CLIC5: variants seen among roughly 807,000 people sequenced by gnomAD.
CLIC5 encodes the protein chloride intracellular channel protein 5.
In CLIC5, 20 loss-of-function variants were observed where a neutral mutation model predicts 24.7. The observed-to-expected ratio is 0.81, with a 90% CI of 0.57 to 1.18. The LOEUF is 1.18. Among genes scored for constraint, CLIC5 ranks in the 50% most tolerant of loss-of-function variants. The pLI, the probability that CLIC5 is intolerant of heterozygous loss-of-function variation, is 0.00. For missense variants in CLIC5, 341 were observed against 326.1 expected (o/e 1.05, Z -0.35); for synonymous variants, 159 against 135.6 (o/e 1.17, Z -1.20).
chr6:45,962,562 C>G (rs986550935), intron 1 of CLIC5, among the ~76,000 whole-genome samples: 3 of 151,320 alleles, frequency 2.0e-5, no homozygotes, highest in African/African-American at 7.3e-5. Flanking sequence ...ATGGCCCAGC[C>G]AAGTTGATAT....
intron 4 of CLIC5, chr6:45,919,141 C>T (rs1394395446): frequency 2.1e-6 from 2 of 973,732 alleles, no homozygotes; most frequent in Non-Finnish European, 2.4e-6. Context: ...ATGTAATCAT[C>T]TAAATAGTCC....
At chr6:46,017,575 A>G (rs2127447827), upstream of CLIC5, among the ~76,000 whole-genome samples, 1 of 152,318 alleles carries the variant, frequency 6.6e-6, no homozygotes, top group African/African-American at 2.4e-5. Context: ...ACACTATGGA[A>G]GTGCACACTT....
intron 1 of CLIC5, among the ~76,000 whole-genome samples, chr6:45,995,936 G>A (rs1330417775): frequency 6.6e-6 from 1 of 152,046 alleles, no homozygotes; most frequent in Non-Finnish European, 1.5e-5. Flanking sequence ...CACAGGAAGT[G>A]GAACAACACA....
chr6:46,023,832 T>C (rs2179994), intron 1 of CLIC5, among the ~76,000 whole-genome samples: 37,703 of 151,326 alleles, frequency 0.25, 5,707 homozygotes, highest in African/African-American at 0.43. Context: ...ACAACTATTA[T>C]ACAAATACTT....
At chr6:45,921,873 C>T (rs1468316717) in intron 4 of CLIC5, among the ~76,000 whole-genome samples, 1 of 152,152 alleles carries the variant, frequency 6.6e-6, no homozygotes, top group African/African-American at 2.4e-5. Context: ...GGCACTGAAC[C>T]AAGAACACTG....
intron 6 of CLIC5, among the ~76,000 whole-genome samples, chr6:45,892,443 A>G (rs4254986): frequency 0.52 from 79,241 of 152,050 alleles, 21,464 homozygotes; most frequent in African/African-American, 0.67. Flanking sequence ...GAAGCCCAGC[A>G]TTTGACTGGC....
chr6:45,889,528 C>T (rs1762331920), intron 6 of CLIC5, among the ~76,000 whole-genome samples: 1 of 152,016 alleles, frequency 6.6e-6, no homozygotes, highest in Non-Finnish European at 1.5e-5. Context: ...GAAGGTGGGG[C>T]AGTAAGGGTA....
chr6:45,903,240 A>T lies in CLIC5; in HGVS notation c.604T>A (p.Tyr202Asn), dbSNP rs371423137. ...LHVVKIVAKK[Y>N]RNYDIPAEMT... ...TCAGCCGGGATATCATAGTTGCGGT[A>T]TTTCTTGGCCACAATCTAAAACAGA... Residue 202 changes from tyrosine to asparagine, a missense_variant, in exon 6 of 6, where the codon TAC becomes AAC. Transcript: ENST00000339561. 5 of 1,594,228 alleles carry T rather than the reference A, an allele frequency of 3.1e-6. No individual in the cohort carries two copies. Among genetic ancestry groups the T allele is most frequent in the Non-Finnish European group, 4.3e-6 (5 of 1,171,028 alleles).
At chr6:46,030,127 G>A (rs1217052182) in intron 1 of CLIC5, among the ~76,000 whole-genome samples, 1 of 152,024 alleles carries the variant, frequency 6.6e-6, no homozygotes, top group Non-Finnish European at 1.5e-5. Flanking sequence ...AATGTCTGCC[G>A]AGAACCTCCC....
intron 4 of CLIC5, among the ~76,000 whole-genome samples, chr6:45,915,226 C>A (rs941466026): frequency 6.6e-6 from 1 of 151,986 alleles, no homozygotes; most frequent in African/African-American, 2.4e-5. Context: ...CCATGCCTGG[C>A]CAATACTAGC....
chr6:45,995,851 C>G (rs773257193), intron 1 of CLIC5, among the ~76,000 whole-genome samples: 1 of 152,046 alleles, frequency 6.6e-6, no homozygotes, highest in Non-Finnish European at 1.5e-5. Flanking sequence ...CCTCAGCAAG[C>G]TAACACAGAA....
At chr6:46,113,375 G>C in the CLIC5 span, among the ~76,000 whole-genome samples, 7 of 152,112 alleles carry the variant, frequency 4.6e-5, no homozygotes, top group Non-Finnish European at 8.8e-5. Flanking sequence ...CGGGAAGAAG[G>C]GGGGTGGCCT....
chr6:46,091,346 G>A, the CLIC5 span, among the ~76,000 whole-genome samples: 11 of 152,182 alleles, frequency 7.2e-5, no homozygotes, highest in African/African-American at 1.2e-4. Context: ...AGATCATGTG[G>A]TAGTATTTGT....
upstream of CLIC5, among the ~76,000 whole-genome samples, chr6:46,083,790 T>C (rs542716020): frequency 4.6e-5 from 7 of 151,932 alleles, no homozygotes; most frequent in East Asian, 1.2e-3. Context: ...GTCTATTAGG[T>C]CTGCTTGGTG....
rs117624535 is a variant in CLIC5 at position 46,063,066 on chromosome 6, A to G, written c.540+16637T>C. 5.4e-4 allele frequency among the ~76,000 whole-genome samples: 82 copies of G among 152,340 alleles called. No homozygotes were observed. The East Asian group carries it at 0.013, about 24-fold the overall frequency. On this transcript the variant is annotated intron_variant, in intron 1 of 5. Coordinates refer to the CLIC5 transcript ENST00000185206. ...ATAAAGACTTTGAAAAAGACAGCAT[A>G]TCTTTAAAGAGAATGGAAACAAGGG...
chr6:46,052,728 G>A (rs1768139086), intron 1 of CLIC5, among the ~76,000 whole-genome samples: 1 of 151,966 alleles, frequency 6.6e-6, no homozygotes, highest in Admixed American at 6.6e-5. Flanking sequence ...TCTGTGCAGT[G>A]CACTGGGAGC....
intron 1 of CLIC5, among the ~76,000 whole-genome samples, chr6:46,045,283 C>T (rs1767923544): frequency 6.6e-6 from 1 of 152,156 alleles, no homozygotes; most frequent in African/African-American, 2.4e-5. Flanking sequence ...AAAAGATTGG[C>T]TTCTATAATT....
chr6:46,043,213 G>A (rs1221369691), intron 1 of CLIC5, among the ~76,000 whole-genome samples: 2 of 152,158 alleles, frequency 1.3e-5, no homozygotes, highest in African/African-American at 4.8e-5. Flanking sequence ...AGCACCCTCT[G>A]TGTACCATGT....
the CLIC5 span, among the ~76,000 whole-genome samples, chr6:46,120,896 G>T: frequency 6.6e-6 from 1 of 152,134 alleles, no homozygotes; most frequent in Non-Finnish European, 1.5e-5. Flanking sequence ...AGAATAAAAA[G>T]AAATGAACAA....
Sources: allele counts gnomAD v4.1 joint callset (sites outside exome capture counted in the v4.1 genomes callset), GRCh38; gene constraint gnomAD v4.1.1; transcripts MANE v1.5; gene names NCBI Gene and HGNC (gene_info 2026-07-23, HGNC 2026-07-21).